DERPC: variants seen among roughly 807,000 people sequenced by gnomAD.
DERPC encodes the protein decreased expression in renal and prostate cancer protein.
Under a neutral mutation model 7.2 loss-of-function variants are expected in DERPC, and 1 was observed. That is an observed-to-expected ratio of 0.14 (90% CI 0.05 to 0.66). The LOEUF (loss-of-function observed/expected upper bound fraction) is 0.66. Ranked by LOEUF, DERPC falls within the 30% of genes least tolerant of loss-of-function variation. DERPC has a pLI of 0.84. For synonymous variants in DERPC, 185 were observed against 117.6 expected, an observed-to-expected ratio of 1.57 and a Z score of -3.71; for missense variants, 502 against 299.4, an observed-to-expected ratio of 1.68 and a Z score of -4.99.
At position 69,119,434 on chromosome 16, in the gene DERPC, G is replaced by A. The variant is rs763565434; in HGVS notation, c.995C>T (p.Ser332Phe). 4.1e-5 allele frequency: 29 copies of A among 702,906 alleles called. No individual in the cohort carries two copies. The highest frequency in any genetic ancestry group is 6.5e-5 in the Non-Finnish European group (25 of 385,026). 43.5% of individuals were successfully genotyped at this position (702,906 alleles called of 1,614,324 possible). A position where few individuals can be genotyped will look rare whatever the true frequency, so the allele number is the denominator to read the frequency against. ...RGIGLPGPNPSPMSRAPGPIG... is the reference protein window; with the variant it reads ...RGIGLPGPNPFPMSRAPGPIG... ...GGGGCCAGGAGCCCTTGACATGGGA[G>A]ATGGATTTGGCCCTGGAAGGCCAAT... The change falls in exon 3 of 3, where the codon TCT (serine) becomes TTT (phenylalanine). Residue 332 changes from serine (S) to phenylalanine (F), a missense_variant. Physicochemically the swap from Ser to Phe is radical, Grantham distance 155. Coordinates refer to ENST00000519520, the MANE Select transcript of DERPC (RefSeq NM_001002847.4).
intron 1 of DERPC, among the ~76,000 whole-genome samples, chr16:69,130,697 C>T (rs775219141): frequency 1.3e-5 from 2 of 152,208 alleles, no homozygotes; most frequent in Non-Finnish European, 2.9e-5. Context: ...GGTAAGCCTT[C>T]AGGGTCAAGC....
intron 2 of DERPC, chr16:69,121,145 A>T: frequency 1.2e-6 from 2 of 1,613,306 alleles, no homozygotes; most frequent in Non-Finnish European, 1.7e-6. Flanking sequence ...ATCAGCACCC[A>T]TTCTGCCAGG....
chr16:69,121,672 T>G (rs1006960631), intron 1 of DERPC, among the ~76,000 whole-genome samples, 179 bp from the exon 2 acceptor site: 9 of 135,628 alleles, frequency 6.6e-5, no homozygotes, highest in Non-Finnish European at 1.1e-4. Context: ...AGAGATGGGG[T>G]TTTTTTTTTT....
intron 1 of DERPC, among the ~76,000 whole-genome samples, chr16:69,128,919 C>G (rs1318253537): frequency 6.6e-6 from 1 of 151,944 alleles, no homozygotes; most frequent in Non-Finnish European, 1.5e-5. Context: ...CAAAAATTAG[C>G]CAGGCATGGT....
chr16:69,122,244 G>C (rs1300205650), intron 1 of DERPC, among the ~76,000 whole-genome samples: 1 of 152,134 alleles, frequency 6.6e-6, no homozygotes, highest in Admixed American at 6.5e-5. Flanking sequence ...ATGGTCAACT[G>C]TATGTGCAAA....
intron 2 of DERPC, chr16:69,121,124 C>G (rs774439830): frequency 1.9e-6 from 3 of 1,613,710 alleles, no homozygotes; most frequent in Non-Finnish European, 2.5e-6. Flanking sequence ...TCGATCTCCC[C>G]CTGTAGCTCC....
Position 69,132,503 on chromosome 16 carries a change from G to C in DERPC, c.-299C>G, listed in dbSNP as rs988129300. On this transcript the variant is annotated 5_prime_UTR_variant, in exon 1 of 3. Coordinates refer to ENST00000519520, the MANE Select transcript of DERPC (RefSeq NM_001002847.4). ...CCTGACCTGCAATGGCGGCCGCCGA[G>C]CGCGGCGCCGCGCGGCCAACGGGCG... 1 of 275,710 alleles carries C rather than the reference G, an allele frequency of 3.6e-6. No individual in the cohort carries two copies. The highest frequency in any genetic ancestry group is 2.9e-5 in the South Asian group (1 of 34,352). The allele number at this position is 275,710 out of a possible 1,614,324, so 17.1% of individuals were successfully genotyped here.
chr16:69,121,264 G>A (rs1961633594), intron 2 of DERPC, 172 bp downstream of exon 2: 1 of 1,318,270 alleles, frequency 7.6e-7, no homozygotes, highest in South Asian at 1.3e-5. Flanking sequence ...GGACCTCTTT[G>A]TTGGATGTCA....
Position 69,118,832 on chromosome 16 carries a change from G to A in DERPC, c.*22C>T. The A allele has an allele frequency of 1.4e-6, 1 of 690,012 alleles. No individual in the cohort carries two copies. The highest frequency in any genetic ancestry group is 2.6e-6 in the Non-Finnish European group (1 of 377,914). The allele number at this position is 690,012 out of a possible 1,614,324, so 42.7% of individuals were successfully genotyped here. The stretch of plus-strand genomic sequence containing the variant: ...AACCACAGTGCCTAGAAACCAAGGT[G>A]GTCCTGGAGGGAAAATGGTGTTTAA... On this transcript the variant is annotated 3_prime_UTR_variant, in exon 3 of 3. Transcript: ENST00000519520.
At chr16:69,122,666 G>A (rs577568223) in intron 1 of DERPC, among the ~76,000 whole-genome samples, 19 of 151,612 alleles carry the variant, frequency 1.3e-4, no homozygotes, top group East Asian at 3.9e-4. Flanking sequence ...TCAGCCTCCC[G>A]AGCAGCTGGG....
chr16:69,119,697 G>A lies in DERPC; in HGVS notation c.732C>T (p.Gly244=), dbSNP rs1567587010. ...CTCTGGCATCTAGATTAGGGCCTGG[G>A]CCCAGGCCACTTGGTCTTGGGTTGG... The part of the protein sequence containing the change: ...LGPNPRPSGL[G]PGPNLDARAG... Residue 244 remains glycine, a synonymous_variant, in exon 3 of 3, where the codon GGC becomes GGT. Coordinates refer to ENST00000519520, the MANE Select transcript of DERPC (RefSeq NM_001002847.4). 4.4e-6 allele frequency: 3 copies of A among 679,370 alleles called. No individual in the cohort carries two copies. Among genetic ancestry groups the A allele is most frequent in the Non-Finnish European group, 8.1e-6 (3 of 371,818 alleles). 42.1% of individuals were successfully genotyped at this position (679,370 alleles called of 1,614,324 possible).
intron 1 of DERPC, among the ~76,000 whole-genome samples, chr16:69,130,009 G>C (rs1962378246): frequency 6.6e-6 from 1 of 152,244 alleles, no homozygotes; most frequent in Admixed American, 6.5e-5. Context: ...TGAAAGTCAA[G>C]AGAATAGAGG....
At chr16:69,121,240 A>T in intron 2 of DERPC, 196 bp downstream of exon 2, 1 of 1,438,828 alleles carries the variant, frequency 7.0e-7, no homozygotes, top group Non-Finnish European at 9.6e-7. Context: ...TCACACCACC[A>T]TTTGAGGCCC....
Position 69,120,760 on chromosome 16 carries a change from C to A in DERPC, c.-221-111G>T. The stretch of plus-strand genomic sequence containing the variant: ...TATGCTGGCACCTCCAATCCCTGGT[C>A]TGGCTCTGCCATTGTTGAGCAGCCA... On this transcript the variant is annotated intron_variant, in intron 2 of 2. Coordinates refer to ENST00000519520, the MANE Select transcript of DERPC (RefSeq NM_001002847.4). The surrounding 1 kb of genome is among the most constrained non-coding windows in gnomAD (Gnocchi z 4.0). 1.1e-6 allele frequency: 1 copy of A among 943,044 alleles called. No homozygotes were observed. The highest frequency in any genetic ancestry group is 1.6e-5 in the South Asian group (1 of 64,320). 58.4% of individuals were successfully genotyped at this position (943,044 alleles called of 1,614,324 possible).
Position 69,118,324 on chromosome 16 carries a change from T to C in DERPC, c.*530A>G, listed in dbSNP as rs1810758956. 1 of 1,324,570 alleles carries C rather than the reference T, an allele frequency of 7.5e-7. No homozygotes were observed. Among genetic ancestry groups the C allele is most frequent in the Non-Finnish European group, 1.1e-6 (1 of 916,028 alleles). 82.1% of individuals were successfully genotyped at this position (1,324,570 alleles called of 1,614,324 possible). A position where few individuals can be genotyped will look rare whatever the true frequency, so the allele number is the denominator to read the frequency against. Reference sequence around the variant, plus strand: ...GCATTCGGTGGGTCTTTCTTTGAAGTGGTTGTCCATCTCCCTGTTCTGTGT... The same window carrying C: ...GCATTCGGTGGGTCTTTCTTTGAAGCGGTTGTCCATCTCCCTGTTCTGTGT... On this transcript the variant is annotated 3_prime_UTR_variant, in exon 3 of 3. Coordinates refer to ENST00000519520, the MANE Select transcript of DERPC (RefSeq NM_001002847.4).
At chr16:69,122,904 C>T (rs1961785135) in intron 1 of DERPC, among the ~76,000 whole-genome samples, 1 of 151,978 alleles carries the variant, frequency 6.6e-6, no homozygotes, top group Non-Finnish European at 1.5e-5. Context: ...GTCTCAAACT[C>T]CTGACCTCAG....
chr16:69,125,816 C>A (rs1005892165), intron 1 of DERPC, among the ~76,000 whole-genome samples: 3 of 152,196 alleles, frequency 2.0e-5, no homozygotes, highest in African/African-American at 7.2e-5. Flanking sequence ...TAAGTGTGGA[C>A]CTCTTTACTG....
Position 69,119,527 on chromosome 16 carries a change from G to C in DERPC, c.902C>G (p.Thr301Arg), listed in dbSNP as rs570440198. Reference sequence around the variant, plus strand: ...TACTCTTGCCATGGAGGATGGGCTTGTGCCCATGTTTCCAGAAGCCTGTGA... The same window carrying C: ...TACTCTTGCCATGGAGGATGGGCTTCTGCCCATGTTTCCAGAAGCCTGTGA... The part of the protein sequence containing the change: ...SFSQASGNMG[T>R]SPSSMARVPG... The change falls in exon 3 of 3, where the codon ACA (threonine) becomes AGA (arginine). Residue 301 changes from threonine to arginine, a missense_variant. Coordinates refer to ENST00000519520, the MANE Select transcript of DERPC (RefSeq NM_001002847.4). 1.4e-6 allele frequency: 1 copy of C among 702,944 alleles called. No individual in the cohort carries two copies. Among genetic ancestry groups the C allele is most frequent in the Non-Finnish European group, 2.6e-6 (1 of 384,992 alleles). 43.5% of individuals were successfully genotyped at this position (702,944 alleles called of 1,614,324 possible). A position where few individuals can be genotyped will look rare whatever the true frequency, so the allele number is the denominator to read the frequency against.
At chr16:69,126,445 C>T (rs1962061398) in intron 1 of DERPC, among the ~76,000 whole-genome samples, 2 of 152,228 alleles carry the variant, frequency 1.3e-5, no homozygotes, top group African/African-American at 4.8e-5. Context: ...CACCTTTACA[C>T]ACTGATGCAG....
Sources: gnomAD v4.1 joint callset for allele counts (sites outside exome capture counted in the v4.1 genomes callset) on GRCh38, gnomAD v4.1.1 for gene constraint, Gnocchi (gnomAD v3.1) non-coding constraint, MANE v1.5 for transcripts, NCBI Gene and HGNC (gene_info 2026-07-23, HGNC 2026-07-21) for gene names.